Variants in WDR17 observed in about 807,000 individuals in gnomAD.
WDR17 encodes the protein WD repeat domain 17.
A neutral mutation model predicts 161.7 loss-of-function variants in WDR17; 143 were observed. The ratio of observed to expected loss-of-function variants is 0.88; its 90% CI spans 0.77 to 1.02. The LOEUF (loss-of-function observed/expected upper bound fraction) is 1.02. Among genes scored for constraint, WDR17 ranks in the 50% least tolerant of loss-of-function variants. The probability of loss-of-function intolerance (pLI) is 0.00; values close to 1 mark genes in which losing one functional copy is unlikely to be tolerated. For missense variants in WDR17, 1,469 were observed against 1,520.9 expected, an observed-to-expected ratio of 0.97 and a Z score of 0.57; for synonymous variants, 517 against 515.6, an observed-to-expected ratio of 1.00 and a Z score of -0.04.
At chr4:176,160,816 A>T (rs1446616113) in intron 19 of WDR17, 95 bp from the exon 20 acceptor site, 2 of 994,358 alleles carry the variant, frequency 2.0e-6, no homozygotes, top group East Asian at 5.2e-5. Context: ...AATTTCAAAC[A>T]TTATTTAAGT....
Position 176,150,549 on chromosome 4 carries a change from T to G in WDR17, c.2260T>G (p.Cys754Gly). The change falls in exon 16 of 29, where the codon TGC becomes GGC. Residue 754 changes from cysteine (C) to glycine (G), a missense_variant. Physicochemically the swap from Cys to Gly is radical, Grantham distance 159. Coordinates refer to ENST00000508596, the MANE Select transcript of WDR17 (RefSeq NM_181265.4). ...TGATAGCTTACTTCCTCAGAACTAC[T>G]GCAAAGGAATAATGCACTTGAAACA... ...QDDSLLPQNY[C>G]KGIMHLKHLI... 6.2e-7 allele frequency: 1 copy of G among 1,611,514 alleles called. No individual in the cohort carries two copies. The highest frequency in any genetic ancestry group is 8.5e-7 in the Non-Finnish European group (1 of 1,179,052).
intron 23 of WDR17, among the ~76,000 whole-genome samples, chr4:176,171,332 A>G (rs1286350390): frequency 6.6e-6 from 1 of 152,290 alleles, no homozygotes; most frequent in African/African-American, 2.4e-5. Context: ...CCTCTATGCC[A>G]TGAGCATATA....
At chr4:176,080,988 AG>A (rs1734675861) in intron 1 of WDR17, among the ~76,000 whole-genome samples, 1 of 151,876 alleles carries the variant, frequency 6.6e-6, no homozygotes, top group Non-Finnish European at 1.5e-5. Flanking sequence ...CAGACCCTGG[AG>A]CTCCTACTGA....
intron 22 of WDR17, among the ~76,000 whole-genome samples, chr4:176,164,153 G>A (rs1445274335): frequency 2.6e-5 from 4 of 152,264 alleles, no homozygotes; most frequent in Admixed American, 2.6e-4. Flanking sequence ...TCTGTGCCAA[G>A]CACGATTTTA....
At chr4:176,128,607 ATTG>A (rs1245427983) in intron 5 of WDR17, 128 bp from the exon 6 acceptor site, 5 of 844,280 alleles carry the variant, frequency 5.9e-6, no homozygotes, top group African/African-American at 1.8e-5. Flanking sequence ...ACTGTATGGT[ATTG>A]TTGTTAAAAG....
intron 22 of WDR17, among the ~76,000 whole-genome samples, chr4:176,163,526 G>A (rs2128426): frequency 0.37 from 56,207 of 151,938 alleles, 11,173 homozygotes; most frequent in East Asian, 0.59. Flanking sequence ...TTGTAATTCC[G>A]TAGTGTTTCA....
chr4:176,095,081 T>C (rs964599216), intron 1 of WDR17, among the ~76,000 whole-genome samples: 2 of 152,056 alleles, frequency 1.3e-5, no homozygotes, highest in Non-Finnish European at 2.9e-5. Context: ...GGTAGAGTTG[T>C]TGGGCCAGTA....
chr4:176,076,670 G>T (rs1005033572), intron 1 of WDR17, among the ~76,000 whole-genome samples: 1 of 150,590 alleles, frequency 6.6e-6, no homozygotes, highest in Non-Finnish European at 1.5e-5. Flanking sequence ...TCTTTAATGT[G>T]GATTTTTATT....
chr4:176,107,766 T>C (rs143118989), intron 1 of WDR17, among the ~76,000 whole-genome samples: 132 of 152,244 alleles, frequency 8.7e-4, no homozygotes, highest in African/African-American at 2.8e-3. Context: ...TTAACAGATA[T>C]GTGGTTTACA....
Position 176,173,296 on chromosome 4 carries a change from G to A in WDR17, c.3274G>A (p.Asp1092Asn), listed in dbSNP as rs1751000145. ...CATCAGTAGCTCAGACTGGACTTTGGATACCATATACCCTGTTCTTGACCT... is the reference window on the plus strand; with the variant it reads ...CATCAGTAGCTCAGACTGGACTTTGAATACCATATACCCTGTTCTTGACCT... ...EYISSSDWTL[D>N]TIYPVLDLLS... Residue 1092 changes from aspartate to asparagine, a missense_variant, in exon 25 of 29, where the codon GAT becomes AAT. Physicochemically the swap from Asp to Asn is conservative, Grantham distance 23. Transcript: ENST00000508596. The A allele has an allele frequency of 1.9e-6, 3 of 1,611,888 alleles. No homozygotes were observed. Among genetic ancestry groups the A allele is most frequent in the Admixed American group, 1.7e-5 (1 of 59,852 alleles).
intron 23 of WDR17, among the ~76,000 whole-genome samples, chr4:176,169,043 A>G (rs1196206081): frequency 6.6e-6 from 1 of 152,210 alleles, no homozygotes; most frequent in Non-Finnish European, 1.5e-5. Flanking sequence ...TTATACAAAG[A>G]AAACTCAGAG....
At chr4:176,090,176 C>G (rs1192824647) in intron 1 of WDR17, among the ~76,000 whole-genome samples, 1 of 151,492 alleles carries the variant, frequency 6.6e-6, no homozygotes, top group Non-Finnish European at 1.5e-5. Context: ...GGAGGCAGAT[C>G]CCTCATGAAT....
At chr4:176,152,955 A>G (rs1384988340) in intron 17 of WDR17, among the ~76,000 whole-genome samples, 1 of 151,556 alleles carries the variant, frequency 6.6e-6, no homozygotes, top group Non-Finnish European at 1.5e-5. Flanking sequence ...AAGGAAGCTT[A>G]TTTTTTTACA....
At chr4:176,166,896 G>A (rs1209346737) in intron 22 of WDR17, among the ~76,000 whole-genome samples, 1 of 152,148 alleles carries the variant, frequency 6.6e-6, no homozygotes, top group Admixed American at 6.5e-5. Flanking sequence ...AAAAATTATT[G>A]TAATCTTTTA....
chr4:176,083,172 G>A lies in WDR17; in HGVS notation c.-7+17093G>A, dbSNP rs28601671. On this transcript the variant is annotated intron_variant, in intron 1 of 28. Coordinates refer to ENST00000508596, the MANE Select transcript of WDR17 (RefSeq NM_181265.4). ...GACTTGTTATATTACCCTAATGCAAGTGATTTTTTAATGTTTAGACTAGAA... is the reference window on the plus strand; with the variant it reads ...GACTTGTTATATTACCCTAATGCAAATGATTTTTTAATGTTTAGACTAGAA... 8.7e-3 allele frequency among the ~76,000 whole-genome samples: 1,324 copies of A among 151,958 alleles called. 29 individuals carry two copies. The highest frequency in any genetic ancestry group is 0.03 in the African/African-American group (1,225 of 41,488).
chr4:176,108,220 C>T (rs768435818), intron 1 of WDR17, among the ~76,000 whole-genome samples: 46 of 151,732 alleles, frequency 3.0e-4, no homozygotes, highest in Non-Finnish European at 5.6e-4. Flanking sequence ...TGTATTTTAC[C>T]ACGATAAGAA....
intron 25 of WDR17, 49 bp from the exon 26 acceptor site, chr4:176,174,567 TC>T: frequency 7.4e-7 from 1 of 1,352,976 alleles, no homozygotes; most frequent in Non-Finnish European, 1.0e-6. Flanking sequence ...AGAGTAATGT[TC>T]TATGCCTCAA....
At chr4:176,131,444 G>A in intron 6 of WDR17, 110 bp from the exon 7 acceptor site, 1 of 1,079,504 alleles carries the variant, frequency 9.3e-7, no homozygotes, top group Non-Finnish European at 1.3e-6. Flanking sequence ...TATGATCATT[G>A]CCTAAATGGT....
chr4:176,182,508 TTTATA>T lies in WDR17; in HGVS notation c.*2934_*2938del, dbSNP rs1283937650. 1 of 151,844 alleles carries T rather than the reference TTTATA, an allele frequency of 6.6e-6. No individual in the cohort carries two copies. The highest frequency in any genetic ancestry group is 2.4e-5 in the African/African-American group (1 of 41,382). 9.4% of individuals were successfully genotyped at this position (151,844 alleles called of 1,614,324 possible). On this transcript the variant is annotated 3_prime_UTR_variant, in exon 29 of 29. Coordinates refer to ENST00000508596, the MANE Select transcript of WDR17 (RefSeq NM_181265.4). This position sits in a 1 kb window ranked among gnomAD's most constrained non-coding sequence, Gnocchi z 4.2. Reference sequence around the variant, plus strand: ...ACTGTATTTTGTTGTCCTTATAACATTTATATTATTTCAGTTTTAAGTCAAAAGGT... The same window carrying T: ...ACTGTATTTTGTTGTCCTTATAACATTTATTTCAGTTTTAAGTCAAAAGGT...
Sources: gnomAD v4.1 joint callset for allele counts (sites outside exome capture counted in the v4.1 genomes callset) on GRCh38, gnomAD v4.1.1 for gene constraint, Gnocchi (gnomAD v3.1) non-coding constraint, MANE v1.5 for transcripts, NCBI Gene and HGNC (gene_info 2026-07-23, HGNC 2026-07-21) for gene names.